Variants in ZBTB38 observed in about 807,000 individuals in gnomAD.
The protein encoded by ZBTB38 is zinc finger and BTB domain containing 38, also known as zinc finger and BTB domain-containing protein 38.
Under a neutral mutation model 76.8 loss-of-function variants are expected in ZBTB38, and 20 were observed. The ratio of observed to expected loss-of-function variants is 0.26; its 90% CI spans 0.18 to 0.38. ZBTB38 has a LOEUF of 0.38. Ranked by LOEUF, ZBTB38 falls within the 10% of genes least tolerant of loss-of-function variation. The probability of loss-of-function intolerance (pLI) is 1.00; values close to 1 mark genes in which losing one functional copy is unlikely to be tolerated. For synonymous variants in ZBTB38, 504 were observed against 544.2 expected (o/e 0.93, Z 1.03); for missense variants, 1,082 against 1,482.3 (o/e 0.73, Z 4.43).
chr3:141,444,419 C>G lies in ZBTB38; in HGVS notation c.2031C>G (p.Ser677=), dbSNP rs1474717241. 3 of 1,614,006 alleles carry G rather than the reference C, an allele frequency of 1.9e-6. No homozygotes were observed. Among genetic ancestry groups the G allele is most frequent in the Middle Eastern group, 1.6e-4 (1 of 6,062 alleles). Residue 677 remains serine, a synonymous_variant, in exon 6 of 6, where the codon TCC becomes TCG. Coordinates refer to ENST00000321464, the MANE Select transcript of ZBTB38 (RefSeq NM_001376113.1). This position sits in a 1 kb window ranked among gnomAD's most constrained non-coding sequence, Gnocchi z 5.1. ...NFYSTEVSVS[S]TENAVSSDLR... is the part of the protein sequence containing the mutation. ...ATTCAACTGAGGTGTCAGTTTCTTC[C>G]ACTGAAAATGCTGTCAGTTCTGACC...
intron 3 of ZBTB38, among the ~76,000 whole-genome samples, chr3:141,383,429 A>T (rs1335929017): frequency 6.6e-6 from 1 of 152,220 alleles, no homozygotes; most frequent in East Asian, 1.9e-4. Context: ...ACAACAATGT[A>T]CCCACAAATG....
intron 1 of ZBTB38, among the ~76,000 whole-genome samples, chr3:141,336,410 GA>G (rs1432179430): frequency 4.6e-5 from 7 of 151,960 alleles, no homozygotes; most frequent in African/African-American, 1.7e-4. Context: ...TAGAGAGACA[GA>G]ACATGTGTTG....
At chr3:141,328,838 C>T (rs940544014) in intron 1 of ZBTB38, among the ~76,000 whole-genome samples, 2 of 152,144 alleles carry the variant, frequency 1.3e-5, no homozygotes, top group African/African-American at 4.8e-5. Flanking sequence ...GCACCTTCTG[C>T]TCCCACCAAA....
chr3:141,425,529 CCTT>C (rs1341814395), intron 5 of ZBTB38, among the ~76,000 whole-genome samples: 1 of 152,214 alleles, frequency 6.6e-6, no homozygotes, highest in Admixed American at 6.5e-5. Flanking sequence ...TGAGAAATGG[CCTT>C]CTTCTGGCAG....
chr3:141,407,207 T>C (rs1248041824), intron 5 of ZBTB38, among the ~76,000 whole-genome samples: 1 of 152,252 alleles, frequency 6.6e-6, no homozygotes, highest in Non-Finnish European at 1.5e-5. Context: ...ATATGGCTAT[T>C]GTATGACATG....
chr3:141,355,885 A>T lies in ZBTB38; in HGVS notation c.-738-12736A>T, dbSNP rs1943644879. ...AAAACTTCTCTGTTTTAGGCTCCAA[A>T]GCACAAAGGGCTATTTCTTTCCCCC... On this transcript the variant is annotated intron_variant, in intron 1 of 7. Coordinates refer to the ZBTB38 transcript ENST00000509842. 2.0e-5 allele frequency among the ~76,000 whole-genome samples: 3 copies of T among 152,184 alleles called. No homozygotes were observed. In the South Asian group the frequency reaches 6.2e-4, roughly 32 times the overall value.
At chr3:141,335,166 T>A (rs535474916) in intron 1 of ZBTB38, among the ~76,000 whole-genome samples, 11 of 152,340 alleles carry the variant, frequency 7.2e-5, no homozygotes, top group Admixed American at 3.3e-4. Context: ...TTGGAAGGCC[T>A]TTGTGAGAGA....
At chr3:141,378,361 TACAC>T (rs10575001) in intron 2 of ZBTB38, among the ~76,000 whole-genome samples, 46,784 of 150,146 alleles carry the variant, frequency 0.31, 7,748 homozygotes, top group African/African-American at 0.35. Flanking sequence ...GACATACAGG[TACAC>T]ACACACACAC....
intron 1 of ZBTB38, among the ~76,000 whole-genome samples, chr3:141,350,229 T>C: frequency 6.6e-6 from 1 of 152,352 alleles, no homozygotes; most frequent in East Asian, 1.9e-4. Flanking sequence ...GTAGTCTGTG[T>C]TGTGACTAAA....
rs1192958561 is a variant in ZBTB38, at chr3:141,448,122, T to C, written c.*2146T>C. ...ATATTAATCAAAGACATTTACTGTA[T>C]ATTCTAGTCATTTTGATTTGAGTTA... On this transcript the variant is annotated 3_prime_UTR_variant, in exon 6 of 6. Coordinates refer to ENST00000321464, the MANE Select transcript of ZBTB38 (RefSeq NM_001376113.1). The C allele has an allele frequency of 3.9e-5, 6 of 152,636 alleles. No individual in the cohort carries two copies. The highest frequency in any genetic ancestry group is 1.5e-5 in the Non-Finnish European group (1 of 68,022). The allele number at this position is 152,636 out of a possible 1,614,324, so 9.5% of individuals were successfully genotyped here. A position where few individuals can be genotyped will look rare whatever the true frequency, so the allele number is the denominator to read the frequency against.
chr3:141,419,755 G>A (rs1230717096), intron 5 of ZBTB38, among the ~76,000 whole-genome samples: 1 of 152,210 alleles, frequency 6.6e-6, no homozygotes, highest in Admixed American at 6.5e-5. Flanking sequence ...GGGAGGCCGA[G>A]GCAGGCAGAT....
At chr3:141,334,456 C>T (rs866291740) in intron 1 of ZBTB38, among the ~76,000 whole-genome samples, 1,328 of 93,616 alleles carry the variant, frequency 0.014, 20 homozygotes, top group African/African-American at 0.066. Context: ...TTCCTTTCTT[C>T]CTTCCTTCCT....
intron 4 of ZBTB38, chr3:141,387,825 C>T (rs1397251631): frequency 6.6e-6 from 1 of 152,156 alleles, no homozygotes; most frequent in Non-Finnish European, 1.5e-5. Flanking sequence ...TGGTCTCCAT[C>T]GCTTTACATA....
rs1487425761 is a variant in ZBTB38, at chr3:141,445,120, C to T, written c.2732C>T (p.Ser911Phe). The T allele has an allele frequency of 2.5e-6, 4 of 1,614,106 alleles. No individual in the cohort carries two copies. Among genetic ancestry groups the T allele is most frequent in the Non-Finnish European group, 3.4e-6 (4 of 1,180,018 alleles). Residue 911 changes from serine (S) to phenylalanine (F), a missense_variant, in exon 6 of 6, where the codon TCC becomes TTC. Transcript: ENST00000321464. This position sits in a 1 kb window ranked among gnomAD's most constrained non-coding sequence, Gnocchi z 6.5. The stretch of plus-strand genomic sequence containing the variant: ...TTCGATGACGCAAGTGACCAGGATT[C>T]CACTGACAAACCGTGGCGCCCTTAC... ...EVFDDASDQD[S>F]TDKPWRPYYN... is the part of the protein sequence containing the mutation.
intron 5 of ZBTB38, among the ~76,000 whole-genome samples, chr3:141,415,544 C>T (rs1045869301): frequency 6.6e-6 from 1 of 152,200 alleles, no homozygotes; most frequent in African/African-American, 2.4e-5. Context: ...ATGCACTTAA[C>T]AAGATCCTCA....
chr3:141,357,725 G>C (rs960641492), intron 1 of ZBTB38, among the ~76,000 whole-genome samples: 6 of 152,126 alleles, frequency 3.9e-5, no homozygotes, highest in Admixed American at 1.3e-4. Context: ...GAGCTCAGGT[G>C]ATCTGCCCAC....
At position 141,442,093 on chromosome 3, in the gene ZBTB38, C is replaced by T. The variant is rs6805333; in HGVS notation, c.1-296C>T. 0.071 allele frequency among the ~76,000 whole-genome samples: 10,780 copies of T among 151,396 alleles called. 1,342 individuals carry two copies. The highest frequency in any genetic ancestry group is 0.25 in the African/African-American group (10,173 of 41,174). ...ATTTCAGAAAAAAAAAAAAAACCTC[C>T]TCCCCTCCCAAATTTGGACATGTAT... is the stretch of plus-strand genomic sequence containing the variant. On this transcript the variant is annotated intron_variant, in intron 5 of 5. Coordinates refer to ENST00000321464, the MANE Select transcript of ZBTB38 (RefSeq NM_001376113.1). This position sits in a 1 kb window ranked among gnomAD's most constrained non-coding sequence, Gnocchi z 6.4.
intron 5 of ZBTB38, among the ~76,000 whole-genome samples, chr3:141,429,333 C>T (rs974869125): frequency 1.4e-4 from 21 of 146,524 alleles, no homozygotes; most frequent in African/African-American, 3.8e-4. Flanking sequence ...TTTGGGGGAT[C>T]GTGAGTGCAG....
chr3:141,362,165 G>A (rs1943842497), intron 1 of ZBTB38, among the ~76,000 whole-genome samples: 1 of 151,894 alleles, frequency 6.6e-6, no homozygotes, highest in African/African-American at 2.4e-5. Flanking sequence ...CCTGGAGCTG[G>A]TCTAGGGAGG....
Sources: allele counts gnomAD v4.1 joint callset (sites outside exome capture counted in the v4.1 genomes callset), GRCh38; gene constraint gnomAD v4.1.1; non-coding constraint Gnocchi (gnomAD v3.1); transcripts MANE v1.5; gene names NCBI Gene and HGNC (gene_info 2026-07-23, HGNC 2026-07-21).